Variants in ZSCAN5A observed in about 807,000 individuals in gnomAD.
ZSCAN5A encodes the protein zinc finger and SCAN domain containing 5A, also known as zinc finger and SCAN domain-containing protein 5A.
ZSCAN5A carries 12 observed loss-of-function variants against 23.7 expected under a neutral mutation model. The observed-to-expected ratio is 0.51, with a 90% confidence interval of 0.32 to 0.82. The LOEUF (loss-of-function observed/expected upper bound fraction) is 0.82, where lower values mean the gene tolerates loss of function less well. ZSCAN5A is among the 40% of genes least tolerant of loss of function. The pLI, the probability that ZSCAN5A is intolerant of heterozygous loss-of-function variation, is 0.03. For synonymous variants in ZSCAN5A, 257 were observed against 239.9 expected (o/e 1.07, Z -0.66); for missense variants, 597 against 617.9 (o/e 0.97, Z 0.36).
At chr19:56,242,579 C>G (rs1242457005) in intron 2 of ZSCAN5A, among the ~76,000 whole-genome samples, 3 of 152,068 alleles carry the variant, frequency 2.0e-5, no homozygotes, top group Admixed American at 1.3e-4. Context: ...TTCCAGTGAC[C>G]TTTCCCGAGA....
upstream of ZSCAN5A, chr19:56,319,777 G>A (rs980767742): frequency 1.3e-5 from 10 of 768,224 alleles, no homozygotes; most frequent in African/African-American, 1.7e-4. Context: ...CCTAAGCCCG[G>A]TCCCTCCTGT....
At position 56,221,363 on chromosome 19, in the gene ZSCAN5A, TA is replaced by T. The variant is rs1438725359; in HGVS notation, c.*211del. 6.4e-5 allele frequency: 33 copies of T among 516,310 alleles called. 1 individual carries two copies. The highest frequency in any genetic ancestry group is 5.6e-5 in the Non-Finnish European group (17 of 305,584). The allele number at this position is 516,310 out of a possible 1,614,324, so 32.0% of individuals were successfully genotyped here. ...GGAAGAACAGCAACACAAACCAAAA[TA>T]AACCTATAAGAAAACAATGGACATA... On this transcript the variant is annotated 3_prime_UTR_variant, in exon 6 of 6. Coordinates refer to ENST00000683990, the MANE Select transcript of ZSCAN5A (RefSeq NM_001322064.3).
intron 1 of ZSCAN5A, chr19:56,364,884 G>C (rs2041755559): frequency 6.6e-6 from 1 of 152,148 alleles, no homozygotes; most frequent in Non-Finnish European, 1.5e-5. Context: ...TCAGAATAGT[G>C]GTTCTTCTAA....
intron 2 of ZSCAN5A, chr19:56,322,192 A>G (rs2041382853): frequency 2.4e-6 from 2 of 830,346 alleles, no homozygotes. Flanking sequence ...CTGCTGCTTC[A>G]ACATAGACCA....
intron 1 of ZSCAN5A, among the ~76,000 whole-genome samples, chr19:56,366,290 A>C (rs943606916): frequency 6.6e-6 from 1 of 152,004 alleles, no homozygotes; most frequent in African/African-American, 2.4e-5. Flanking sequence ...AAAATACAAA[A>C]AATTAGCTGG....
At chr19:56,257,617 GAC>G (rs201800313) in intron 2 of ZSCAN5A, among the ~76,000 whole-genome samples, 1,588 of 139,998 alleles carry the variant, frequency 0.011, 18 homozygotes, top group Admixed American at 0.022. Context: ...CATCTTCTTA[GAC>G]ACAGGCGCTG....
chr19:56,318,151 AGTTGTGTGTGTGC>A (rs1568748776), upstream of ZSCAN5A: 3 of 151,582 alleles, frequency 2.0e-5, no homozygotes, highest in African/African-American at 7.3e-5. Flanking sequence ...TGTGTGTGTG[AGTTGTGTGTGTGC>A]GTGCACGCAA....
At chr19:56,319,683 G>C (rs756896394), upstream of ZSCAN5A, 2 of 583,426 alleles carry the variant, frequency 3.4e-6, no homozygotes, top group Admixed American at 6.0e-5. Flanking sequence ...GCTTTTCTTT[G>C]TCCTTAAAGG....
At chr19:56,267,511 C>T (rs1241862711) in intron 2 of ZSCAN5A, among the ~76,000 whole-genome samples, 1 of 152,142 alleles carries the variant, frequency 6.6e-6, no homozygotes, top group East Asian at 1.9e-4. Flanking sequence ...AAAATGAAAA[C>T]TTCATTTCCT....
chr19:56,315,477 A>T (rs1486150194), upstream of ZSCAN5A: 1 of 152,208 alleles, frequency 6.6e-6, no homozygotes, highest in Admixed American at 6.5e-5. Context: ...ATTCCACCCT[A>T]TTCTCTGAAT....
At chr19:56,272,591 G>A (rs1433917091) in intron 2 of ZSCAN5A, among the ~76,000 whole-genome samples, 1 of 152,208 alleles carries the variant, frequency 6.6e-6, no homozygotes, top group East Asian at 1.9e-4. Context: ...ATCATAGGAT[G>A]ACAAGCATCA....
At chr19:56,310,683 C>T (rs111566068) in intron 2 of ZSCAN5A, among the ~76,000 whole-genome samples, 14 of 152,324 alleles carry the variant, frequency 9.2e-5, no homozygotes, top group African/African-American at 3.1e-4. Context: ...TTTGGGGCTG[C>T]CCCCACCGTC....
intron 1 of ZSCAN5A, among the ~76,000 whole-genome samples, chr19:56,364,013 CAA>C (rs1225836459): frequency 6.6e-6 from 1 of 152,134 alleles, no homozygotes; most frequent in Non-Finnish European, 1.5e-5. Flanking sequence ...AAAATGCAAA[CAA>C]GAGCTGATAG....
intron 2 of ZSCAN5A, among the ~76,000 whole-genome samples, chr19:56,271,021 C>T (rs1394236242): frequency 6.6e-6 from 1 of 152,214 alleles, no homozygotes; most frequent in African/African-American, 2.4e-5. Context: ...TGATGTTCTA[C>T]ATCCCAGGCA....
At chr19:56,276,832 C>T (rs553744953) in intron 2 of ZSCAN5A, among the ~76,000 whole-genome samples, 27 of 151,928 alleles carry the variant, frequency 1.8e-4, no homozygotes, top group East Asian at 3.9e-4. Flanking sequence ...CCACTGTGCC[C>T]GGCCAAAGGT....
At chr19:56,323,533 C>CTT (rs35501936) in intron 2 of ZSCAN5A, among the ~76,000 whole-genome samples, 11 of 123,654 alleles carry the variant, frequency 8.9e-5, no homozygotes, top group African/African-American at 6.4e-5. Context: ...TGAGGCAGAA[C>CTT]TTTTTTTTTT....
intron 2 of ZSCAN5A, chr19:56,282,352 C>A: frequency 3.3e-6 from 1 of 305,406 alleles, no homozygotes; most frequent in Non-Finnish European, 4.8e-6. Flanking sequence ...GTTCCCTAAC[C>A]TATCTCAGGA....
chr19:56,272,883 T>C (rs1158206118), intron 2 of ZSCAN5A: 1 of 985,312 alleles, frequency 1.0e-6, no homozygotes, highest in African/African-American at 1.7e-5. Flanking sequence ...GATTCTGCTT[T>C]TCCTGGGATT....
intron 2 of ZSCAN5A, chr19:56,245,507 G>C (rs891410481): frequency 9.5e-6 from 4 of 418,900 alleles, no homozygotes; most frequent in African/African-American, 6.2e-5. Flanking sequence ...GACTGATTGA[G>C]AGATTTGGCA....
Sources: gnomAD v4.1 joint callset for allele counts (sites outside exome capture counted in the v4.1 genomes callset) on GRCh38, gnomAD v4.1.1 for gene constraint, MANE v1.5 for transcripts, NCBI Gene and HGNC (gene_info 2026-07-23, HGNC 2026-07-21) for gene names.